The following TMEM41B variants were observed in gnomAD, a reference collection of about 807,000 sequenced individuals.
The protein encoded by TMEM41B is transmembrane protein 41B.
TMEM41B carries 18 observed loss-of-function variants against 31.9 expected under a neutral mutation model. The observed-to-expected ratio is 0.56, with a 90% CI of 0.39 to 0.84. The LOEUF is 0.84. TMEM41B is among the 40% of genes least tolerant of loss of function. The pLI is 0.00. For synonymous variants in TMEM41B, 144 were observed against 124.3 expected, an observed-to-expected ratio of 1.16 and a Z score of -1.05; for missense variants, 322 against 348.0, an observed-to-expected ratio of 0.93 and a Z score of 0.59.
Position 9,299,225 on chromosome 11 carries a change from G to T in TMEM41B, c.239+359C>A, listed in dbSNP as rs891669925. On this transcript the variant is annotated intron_variant, in intron 2 of 6. Transcript: ENST00000528080. The stretch of plus-strand genomic sequence containing the variant: ...GAACCTGGGAAGCAGGGCTTATACA[G>T]TGAGCTGAGATCACGCCACTGCATT... Among the ~76,000 whole-genome samples the T allele has an allele frequency of 2.1e-5, 3 of 140,002 alleles. No individual in the cohort carries two copies. The South Asian group carries it at 7.1e-4, about 33-fold the overall frequency. 91.8% of individuals were successfully genotyped at this position (140,002 alleles called of 152,430 possible). A position where few individuals can be genotyped will look rare whatever the true frequency, so the allele number is the denominator to read the frequency against.
chr11:9,281,860 G>A lies in TMEM41B; in HGVS notation c.*1564C>T, dbSNP rs1471899470. The A allele has an allele frequency of 6.6e-6, 1 of 152,032 alleles. No individual in the cohort carries two copies. The highest frequency in any genetic ancestry group is 2.4e-5 in the African/African-American group (1 of 41,404). 9.4% of individuals were successfully genotyped at this position (152,032 alleles called of 1,614,324 possible). A position where few individuals can be genotyped will look rare whatever the true frequency, so the allele number is the denominator to read the frequency against. ...TTTCTAGGTGTATCATGCATAAAAA[G>A]AATAATTACATAATATTATTAAATA... On this transcript the variant is annotated 3_prime_UTR_variant, in exon 7 of 7. Transcript: ENST00000528080.
intron 6 of TMEM41B, 31 bp from the exon 7 acceptor site, chr11:9,283,624 AACC>A: frequency 6.4e-7 from 1 of 1,568,656 alleles, no homozygotes. Context: ...ATACAGTAAA[AACC>A]ACCGCAATTG....
Position 9,314,313 on chromosome 11 carries a change from C to G in TMEM41B, c.121+8G>C. ...CCACCCCCAGCTCTGCTCCCCGGGC[C>G]CACTCACCCTTCTGGTGGTCTCTGC... On this transcript the variant is annotated splice_region_variant and intron_variant, in intron 1 of 6. Transcript: ENST00000528080. 1 of 1,597,680 alleles carries G rather than the reference C, an allele frequency of 6.3e-7. No homozygotes were observed. The highest frequency in any genetic ancestry group is 8.5e-7 in the Non-Finnish European group (1 of 1,177,002).
At chr11:9,303,841 T>A (rs1853316706) in intron 1 of TMEM41B, among the ~76,000 whole-genome samples, 1 of 151,956 alleles carries the variant, frequency 6.6e-6, no homozygotes, top group African/African-American at 2.4e-5. Flanking sequence ...CTAATTTTTG[T>A]ATTTTTAGTA....
Position 9,284,398 on chromosome 11 carries a change from C to T in TMEM41B, c.707-805G>A, listed in dbSNP as rs141875520. Reference sequence around the variant, plus strand: ...AACTCCCAGGCTCAGGCAATTCACACGCCTCAGCCTCCCAAAGTGCTGGGA... The same window carrying T: ...AACTCCCAGGCTCAGGCAATTCACATGCCTCAGCCTCCCAAAGTGCTGGGA... On this transcript the variant is annotated intron_variant, in intron 6 of 6. Transcript: ENST00000528080. 4.4e-3 allele frequency among the ~76,000 whole-genome samples: 666 copies of T among 151,910 alleles called. 9 individuals carry two copies. Among genetic ancestry groups the T allele is most frequent in the African/African-American group, 0.015 (640 of 41,426 alleles).
intron 3 of TMEM41B, among the ~76,000 whole-genome samples, chr11:9,291,616 A>T (rs1564961619): frequency 6.6e-6 from 1 of 151,604 alleles, no homozygotes; most frequent in East Asian, 2.0e-4. Context: ...TGGCCAGGAT[A>T]GTCTCCATCT....
In TMEM41B at chr11:9,306,417, T is replaced by C. The variant is rs894381977; in HGVS notation, c.122-6716A>G. 5.9e-5 allele frequency among the ~76,000 whole-genome samples: 9 copies of C among 152,166 alleles called. 1 individual carries two copies. In the South Asian group the frequency reaches 1.2e-3, roughly 21 times the overall value. On this transcript the variant is annotated intron_variant, in intron 1 of 6. Transcript: ENST00000528080. ...GCCAGAATTCGCCGGGCATGGCGGCTCACGCCTGTAATCCCAGCACTTTGG... is the reference window on the plus strand; with the variant it reads ...GCCAGAATTCGCCGGGCATGGCGGCCCACGCCTGTAATCCCAGCACTTTGG...
chr11:9,299,514 C>T, intron 2 of TMEM41B, 70 bp downstream of exon 2: 5 of 1,058,366 alleles, frequency 4.7e-6, no homozygotes, highest in Non-Finnish European at 7.1e-6. Context: ...TCAGCTACTG[C>T]ACTTGGCCTT....
rs544578234 is a variant in TMEM41B at position 9,293,558 on chromosome 11, T to A, written c.368+1701A>T. On this transcript the variant is annotated intron_variant, in intron 3 of 6. Transcript: ENST00000528080. Reference sequence around the variant, plus strand: ...TGTGAGTTAATACCTCAACAACATATGGATACTTCTGATTCTTTTTATTTT... The same window carrying A: ...TGTGAGTTAATACCTCAACAACATAAGGATACTTCTGATTCTTTTTATTTT... Among the ~76,000 whole-genome samples the A allele has an allele frequency of 3.9e-5, 6 of 152,312 alleles. No homozygotes were observed. The South Asian group carries it at 6.2e-4, about 16-fold the overall frequency.
chr11:9,300,011 C>T (rs758704026), intron 1 of TMEM41B, among the ~76,000 whole-genome samples: 3 of 152,004 alleles, frequency 2.0e-5, no homozygotes, highest in Non-Finnish European at 4.4e-5. Flanking sequence ...CCCAGCTATT[C>T]GGGAGGCTGA....
rs549971847 is a variant in TMEM41B, at chr11:9,297,006, T to C, written c.240-1619A>G. On this transcript the variant is annotated intron_variant, in intron 2 of 6. Transcript: ENST00000528080. ...GGCACGATCATAGCTCAATATTACC[T>C]CCATCTCCTAGGTTCAAGTGATCCT... is the stretch of plus-strand genomic sequence containing the variant. Among the ~76,000 whole-genome samples, 9 of 152,288 alleles carry C rather than the reference T, an allele frequency of 5.9e-5. No individual in the cohort carries two copies. In the East Asian group the frequency reaches 1.7e-3, roughly 29 times the overall value.
intron 5 of TMEM41B, 112 bp from the exon 6 acceptor site, chr11:9,286,705 A>C: frequency 8.8e-7 from 1 of 1,131,932 alleles, no homozygotes; most frequent in Non-Finnish European, 1.2e-6. Flanking sequence ...GAGTATACCC[A>C]ATAGAAATGA....
chr11:9,308,497 G>C (rs78091701), intron 1 of TMEM41B, among the ~76,000 whole-genome samples: 2,959 of 152,180 alleles, frequency 0.019, 76 homozygotes, highest in Admixed American at 0.06. Flanking sequence ...ATGCCAGCCT[G>C]GACTCCAAGA....
chr11:9,284,741 C>T (rs990639499), intron 6 of TMEM41B, among the ~76,000 whole-genome samples: 14 of 147,172 alleles, frequency 9.5e-5, no homozygotes, highest in African/African-American at 3.3e-4. Context: ...CCAGCCTGGG[C>T]GACAGAGAGA....
chr11:9,293,286 A>G (rs77344393), intron 3 of TMEM41B, among the ~76,000 whole-genome samples: 1 of 152,116 alleles, frequency 6.6e-6, no homozygotes, highest in Non-Finnish European at 1.5e-5. Flanking sequence ...TATTTCTCGT[A>G]GAAACTGGGT....
chr11:9,296,222 C>G (rs1410749809), intron 2 of TMEM41B, among the ~76,000 whole-genome samples: 1 of 152,058 alleles, frequency 6.6e-6, no homozygotes, highest in African/African-American at 2.4e-5. Flanking sequence ...TTTAATGTCT[C>G]AGCAGAATCA....
At chr11:9,301,791 T>C (rs1853266913) in intron 1 of TMEM41B, among the ~76,000 whole-genome samples, 1 of 152,102 alleles carries the variant, frequency 6.6e-6, no homozygotes, top group African/African-American at 2.4e-5. Flanking sequence ...GACTTGGAGC[T>C]AAAAGGTTAA....
intron 3 of TMEM41B, among the ~76,000 whole-genome samples, chr11:9,291,907 C>T (rs1449267622): frequency 2.0e-5 from 3 of 152,080 alleles, no homozygotes; most frequent in Non-Finnish European, 4.4e-5. Context: ...AGGGTTTCAC[C>T]ATCTTGGTCA....
intron 1 of TMEM41B, among the ~76,000 whole-genome samples, chr11:9,307,024 AT>A (rs1853414557): frequency 6.6e-6 from 1 of 152,066 alleles, no homozygotes; most frequent in East Asian, 1.9e-4. Flanking sequence ...AACATCTTCA[AT>A]TTTTCCCTCT....
Sources: gnomAD v4.1 joint callset for allele counts (sites outside exome capture counted in the v4.1 genomes callset) on GRCh38, gnomAD v4.1.1 for gene constraint, MANE v1.5 for transcripts, NCBI Gene and HGNC (gene_info 2026-07-23, HGNC 2026-07-21) for gene names.